The following TSHZ3 variants were observed in gnomAD, a reference collection of about 807,000 sequenced individuals.
The protein encoded by TSHZ3 is teashirt homolog 3.
Under a neutral mutation model 64.5 loss-of-function variants are expected in TSHZ3, and 10 were observed. The ratio of observed to expected loss-of-function variants is 0.16; its 90% confidence interval spans 0.10 to 0.26. The LOEUF is 0.26. Ranked by LOEUF, TSHZ3 falls within the 10% of genes least tolerant of loss-of-function variation. The pLI, the probability that TSHZ3 is intolerant of heterozygous loss-of-function variation, is 1.00. For missense variants in TSHZ3, 1,242 were observed against 1,421.7 expected, an observed-to-expected ratio of 0.87 and a Z score of 2.03; for synonymous variants, 608 against 593.1, an observed-to-expected ratio of 1.03 and a Z score of -0.36.
upstream of TSHZ3, among the ~76,000 whole-genome samples, chr19:31,350,438 C>T (rs1183863308): frequency 6.6e-6 from 1 of 151,632 alleles, no homozygotes; most frequent in Non-Finnish European, 1.5e-5. Flanking sequence ...GGAGCCGGGC[C>T]GCGCCCCCCA....
At chr19:31,292,729 CCCAT>C (rs71173957) in intron 1 of TSHZ3, among the ~76,000 whole-genome samples, 30,154 of 147,810 alleles carry the variant, frequency 0.2, 3,579 homozygotes, top group East Asian at 0.35. Flanking sequence ...AACCCATCCA[CCCAT>C]CCATCCATCC....
intron 1 of TSHZ3, among the ~76,000 whole-genome samples, chr19:31,246,133 A>T (rs1003710747): frequency 2.0e-5 from 3 of 152,180 alleles, no homozygotes; most frequent in Non-Finnish European, 4.4e-5. Context: ...TGTTTTTTTT[A>T]AATTTAAAAA....
At chr19:31,206,767 AAC>A (rs1292612336) in intron 4 of TSHZ3, among the ~76,000 whole-genome samples, 1 of 152,234 alleles carries the variant, frequency 6.6e-6, no homozygotes, top group Non-Finnish European at 1.5e-5. Flanking sequence ...GCATTAATTT[AAC>A]ACAGACAAAA....
Position 31,222,789 on chromosome 19 carries a change from T to C in TSHZ3, n.686+5216A>G, listed in dbSNP as rs574196756. On this transcript the variant is annotated intron_variant and non_coding_transcript_variant, in intron 4 of 6. Coordinates refer to the TSHZ3 transcript ENST00000651361. ...CATTAGCTTTGCCCTGGGAATCTCG[T>C]CTCTTGTCCTTCTCCATTTCTATTT... Among the ~76,000 whole-genome samples the C allele has an allele frequency of 2.6e-5, 4 of 152,328 alleles. No homozygotes were observed. In the East Asian group the frequency reaches 7.7e-4, roughly 29 times the overall value.
chr19:31,159,809 C>T (rs115012235), intron 5 of TSHZ3, among the ~76,000 whole-genome samples: 3,981 of 152,060 alleles, frequency 0.026, 154 homozygotes, highest in African/African-American at 0.088. Flanking sequence ...CCTCTTACCT[C>T]AGCCCCCCAA....
intron 5 of TSHZ3, among the ~76,000 whole-genome samples, chr19:31,181,318 G>A (rs545772611): frequency 1.6e-4 from 25 of 152,248 alleles, no homozygotes; most frequent in Non-Finnish European, 3.1e-4. Flanking sequence ...AGATTGGCAG[G>A]GACCTCAGCA....
At chr19:31,270,142 C>T (rs917946970), downstream of TSHZ3, among the ~76,000 whole-genome samples, 1 of 152,216 alleles carries the variant, frequency 6.6e-6, no homozygotes, top group Non-Finnish European at 1.5e-5. Flanking sequence ...TAATTTTATG[C>T]TCAAGGTTAA....
At chr19:31,284,370 C>T (rs976038934) in intron 1 of TSHZ3, among the ~76,000 whole-genome samples, 1 of 151,994 alleles carries the variant, frequency 6.6e-6, no homozygotes, top group African/African-American at 2.4e-5. Context: ...AATCTCATCT[C>T]CAAGCAGAAG....
chr19:31,172,744 G>A (rs567980771), intron 5 of TSHZ3, among the ~76,000 whole-genome samples: 6 of 152,204 alleles, frequency 3.9e-5, no homozygotes, highest in Non-Finnish European at 8.8e-5. Context: ...GTTGGCAGCG[G>A]CAATGTAAAT....
rs550222118 is a variant in TSHZ3, at chr19:31,188,114, G to A, written n.809+16842C>T. On this transcript the variant is annotated intron_variant and non_coding_transcript_variant, in intron 5 of 6. Transcript: ENST00000651361. ...GCATTTTGTACTTTTCAGTATAGAA[G>A]CCATACATATATTTTCTTAAGTATT... Among the ~76,000 whole-genome samples the A allele has an allele frequency of 6.2e-4, 94 of 151,690 alleles. No homozygotes were observed. In the South Asian group the frequency reaches 0.011, roughly 17 times the overall value.
chr19:31,300,511 A>C (rs1473056715), intron 1 of TSHZ3, among the ~76,000 whole-genome samples: 1 of 152,158 alleles, frequency 6.6e-6, no homozygotes, highest in Non-Finnish European at 1.5e-5. Flanking sequence ...CCTAGCTTGG[A>C]AAGTAGCTAG....
At chr19:31,343,556 T>G (rs1917496530) in intron 1 of TSHZ3, among the ~76,000 whole-genome samples, 2 of 152,230 alleles carry the variant, frequency 1.3e-5, no homozygotes, top group Admixed American at 1.3e-4. Context: ...CTAATAAAGA[T>G]TCCTAAACCT....
At chr19:31,304,529 GTT>G (rs1229069086) in intron 1 of TSHZ3, among the ~76,000 whole-genome samples, 1 of 152,088 alleles carries the variant, frequency 6.6e-6, no homozygotes, top group Admixed American at 6.5e-5. Flanking sequence ...TTAATCTTGA[GTT>G]TTTAAAATAT....
At chr19:31,178,658 G>A (rs889929432) in intron 5 of TSHZ3, among the ~76,000 whole-genome samples, 2 of 152,144 alleles carry the variant, frequency 1.3e-5, no homozygotes, top group African/African-American at 2.4e-5. Flanking sequence ...CAGCCTGGGC[G>A]ACAAGAACAA....
chr19:31,298,874 C>T (rs528087480), intron 1 of TSHZ3, among the ~76,000 whole-genome samples: 2 of 152,240 alleles, frequency 1.3e-5, no homozygotes, highest in African/African-American at 2.4e-5. Context: ...GTGAAGAAAC[C>T]GAGAGAAGGT....
intron 5 of TSHZ3, among the ~76,000 whole-genome samples, chr19:31,198,811 A>G (rs942104751): frequency 6.6e-6 from 1 of 152,212 alleles, no homozygotes; most frequent in Admixed American, 6.5e-5. Flanking sequence ...ATTCATATTC[A>G]TGGATAGAAA....
intron 5 of TSHZ3, among the ~76,000 whole-genome samples, chr19:31,159,125 G>A (rs1029699424): frequency 1.3e-5 from 2 of 152,108 alleles, no homozygotes; most frequent in African/African-American, 4.8e-5. Flanking sequence ...TCAACCTCCT[G>A]AGTAGCTGGG....
At chr19:31,200,893 GA>G (rs1055741972) in intron 5 of TSHZ3, among the ~76,000 whole-genome samples, 3 of 151,590 alleles carry the variant, frequency 2.0e-5, no homozygotes, top group African/African-American at 7.3e-5. Flanking sequence ...AAACTACTCT[GA>G]AAAATGAAGT....
chr19:31,223,096 A>G (rs1227874302), intron 4 of TSHZ3, among the ~76,000 whole-genome samples: 2 of 152,166 alleles, frequency 1.3e-5, no homozygotes, highest in Non-Finnish European at 2.9e-5. Context: ...TCCCTGTCAC[A>G]CTGATGGAAG....
Sources: gnomAD v4.1 joint callset for allele counts (sites outside exome capture counted in the v4.1 genomes callset) on GRCh38, gnomAD v4.1.1 for gene constraint, MANE v1.5 for transcripts, NCBI Gene and HGNC (gene_info 2026-07-23, HGNC 2026-07-21) for gene names.